KCNT1: variants seen among roughly 807,000 people sequenced by gnomAD.
The protein encoded by KCNT1 is potassium sodium-activated channel subfamily T member 1, also known as potassium channel subfamily T member 1.
In KCNT1, 78 loss-of-function variants were observed where a neutral mutation model predicts 147.8. That is an observed-to-expected ratio of 0.53 (90% CI 0.44 to 0.64). The LOEUF (loss-of-function observed/expected upper bound fraction) is 0.64, where lower values mean the gene tolerates loss of function less well. Ranked by LOEUF, KCNT1 falls within the 30% of genes least tolerant of loss-of-function variation. The probability of loss-of-function intolerance (pLI) is 0.00; values close to 1 mark genes in which losing one functional copy is unlikely to be tolerated. For synonymous variants in KCNT1, 867 were observed against 748.8 expected (o/e 1.16, Z -2.58); for missense variants, 1,419 against 1,750.3 (o/e 0.81, Z 3.38).
chr9:135,743,573 C>A (rs1369159023), intron 2 of KCNT1, among the ~76,000 whole-genome samples: 1 of 152,216 alleles, frequency 6.6e-6, no homozygotes, highest in Non-Finnish European at 1.5e-5. Flanking sequence ...CCTGGGGCCC[C>A]ATGGTGCAGA....
At chr9:135,721,187 G>A (rs1444872370) in intron 2 of KCNT1, among the ~76,000 whole-genome samples, 5 of 152,292 alleles carry the variant, frequency 3.3e-5, no homozygotes, top group South Asian at 2.1e-4. Context: ...CTGAGCTGCT[G>A]GGCCAGCCCC....
chr9:135,771,993 A>G (rs1832792031), intron 18 of KCNT1, among the ~76,000 whole-genome samples: 1 of 152,190 alleles, frequency 6.6e-6, no homozygotes, highest in South Asian at 2.1e-4. Flanking sequence ...ACAGTCTCCA[A>G]GACCCAGAGG....
chr9:135,758,191 C>G (rs1226416160), intron 9 of KCNT1, among the ~76,000 whole-genome samples: 1 of 146,734 alleles, frequency 6.8e-6, no homozygotes, highest in Non-Finnish European at 1.5e-5. Flanking sequence ...GTGCAGGCTG[C>G]CCCGTGGGCC....
At chr9:135,737,138 G>C (rs929064707) in intron 2 of KCNT1, 1 of 160,398 alleles carries the variant, frequency 6.2e-6, no homozygotes, top group African/African-American at 2.4e-5. Context: ...CTTTGGGGGA[G>C]ACAGGGCCGG....
intron 24 of KCNT1, among the ~76,000 whole-genome samples, chr9:135,779,873 G>A (rs72770395): frequency 0.084 from 12,793 of 152,336 alleles, 794 homozygotes; most frequent in South Asian, 0.16. Context: ...TAACGCACAC[G>A]GCTGCACCAT....
chr9:135,777,682 ACTC>A (rs1299375753), intron 21 of KCNT1, among the ~76,000 whole-genome samples, 172 bp downstream of exon 21: 2 of 149,334 alleles, frequency 1.3e-5, no homozygotes, highest in Middle Eastern at 3.2e-3. Context: ...CCTGCTCCCA[ACTC>A]CTCCTGCTCC....
chr9:135,784,507 CTCCCT>C, intron 25 of KCNT1, 23 bp from the exon 26 acceptor site: 2 of 519,716 alleles, frequency 3.8e-6, no homozygotes, highest in South Asian at 2.5e-5. Flanking sequence ...CCCTCCCTCC[CTCCCT>C]CCCTCCCTCC....
chr9:135,747,405 G>A (rs577570732), intron 2 of KCNT1, among the ~76,000 whole-genome samples: 31 of 152,094 alleles, frequency 2.0e-4, no homozygotes, highest in Middle Eastern at 3.4e-3. Context: ...CCTGGGTACC[G>A]CCGGCAGTGA....
At chr9:135,725,684 G>A (rs1057031333) in intron 2 of KCNT1, among the ~76,000 whole-genome samples, 4 of 152,236 alleles carry the variant, frequency 2.6e-5, no homozygotes, top group South Asian at 2.1e-4. Context: ...ACCAAAGCCG[G>A]GGGGGCCCCA....
At chr9:135,760,606 C>T (rs1211090340) in intron 11 of KCNT1, among the ~76,000 whole-genome samples, 1 of 152,202 alleles carries the variant, frequency 6.6e-6, no homozygotes, top group Non-Finnish European at 1.5e-5. Flanking sequence ...CCTAGGGAGC[C>T]TCTGCTGACC....
chr9:135,714,097 G>A lies in KCNT1; in HGVS notation c.111-480G>A, dbSNP rs1385330875. On this transcript the variant is annotated intron_variant, in intron 1 of 30. Transcript: ENST00000371757. This position sits in a 1 kb window ranked among gnomAD's most constrained non-coding sequence, Gnocchi z 6.2. The stretch of plus-strand genomic sequence containing the variant: ...AACAGCCTGAGGGTCTGAGACGGGG[G>A]TCTCTGGGGCTGGACCCTGAAGGAA... Among the ~76,000 whole-genome samples the A allele has an allele frequency of 6.6e-6, 1 of 151,998 alleles. No homozygotes were observed. Among genetic ancestry groups the A allele is most frequent in the African/African-American group, 2.4e-5 (1 of 41,402 alleles).
chr9:135,726,462 C>A (rs1228991390), intron 2 of KCNT1, among the ~76,000 whole-genome samples: 1 of 152,068 alleles, frequency 6.6e-6, no homozygotes, highest in Non-Finnish European at 1.5e-5. Flanking sequence ...GCCAGGGCCG[C>A]ATCTTTACCC....
At chr9:135,729,457 G>C (rs553444899) in intron 2 of KCNT1, among the ~76,000 whole-genome samples, 1 of 152,262 alleles carries the variant, frequency 6.6e-6, no homozygotes, top group South Asian at 2.1e-4. Flanking sequence ...CTCCAGATGC[G>C]GGCCCAGCCC....
At chr9:135,719,094 G>T (rs1412940579) in intron 2 of KCNT1, among the ~76,000 whole-genome samples, 1 of 152,226 alleles carries the variant, frequency 6.6e-6, no homozygotes, top group Non-Finnish European at 1.5e-5. Flanking sequence ...AGCCCCTTGA[G>T]CCATGCTGAC....
intron 13 of KCNT1, among the ~76,000 whole-genome samples, chr9:135,767,674 C>T (rs1223578157): frequency 2.0e-5 from 3 of 152,114 alleles, no homozygotes; most frequent in Admixed American, 1.3e-4. Flanking sequence ...GTGGGGTCTC[C>T]ACCGGGCCTG....
Position 135,786,315 on chromosome 9 carries a change from C to G in KCNT1, c.3296C>G (p.Pro1099Arg). The change falls in exon 29 of 31, where the codon CCC (proline) becomes CGC (arginine). Residue 1099 changes from proline (P) to arginine (R), a missense_variant. Transcript: ENST00000371757. Reference protein sequence around the residue: ...SQGRHTGGGDPAEHPLLRRKS... With the variant: ...SQGRHTGGGDRAEHPLLRRKS... Reference sequence around the variant, plus strand: ...GGCCGCCACACGGGCGGCGGTGACCCCGCAGAGCACCCACTGCTACGGCGC... The same window carrying G: ...GGCCGCCACACGGGCGGCGGTGACCGCGCAGAGCACCCACTGCTACGGCGC... 1 of 1,600,206 alleles carries G rather than the reference C, an allele frequency of 6.2e-7. No homozygotes were observed. The highest frequency in any genetic ancestry group is 2.3e-5 in the East Asian group (1 of 44,296).
At chr9:135,775,177 G>A (rs1304896567) in intron 19 of KCNT1, 133 bp from the exon 20 acceptor site, 2 of 591,472 alleles carry the variant, frequency 3.4e-6, no homozygotes, top group Non-Finnish European at 5.9e-6. Flanking sequence ...CCTTGGGTCA[G>A]CTGTGCGTGA....
intron 1 of KCNT1, among the ~76,000 whole-genome samples, chr9:135,708,109 C>T (rs1006893647): frequency 5.9e-5 from 9 of 152,192 alleles, no homozygotes; most frequent in Admixed American, 4.6e-4. Context: ...GACACTAAGC[C>T]CAGCACTCAG....
At chr9:135,781,489 T>TG (rs1463728597) in intron 24 of KCNT1, among the ~76,000 whole-genome samples, 1 of 152,190 alleles carries the variant, frequency 6.6e-6, no homozygotes, top group Non-Finnish European at 1.5e-5. Context: ...AGATCCCCCA[T>TG]GGGTCTCTCT....
Sources: gnomAD v4.1 joint callset for allele counts (sites outside exome capture counted in the v4.1 genomes callset) on GRCh38, gnomAD v4.1.1 for gene constraint, Gnocchi (gnomAD v3.1) non-coding constraint, MANE v1.5 for transcripts, NCBI Gene and HGNC (gene_info 2026-07-23, HGNC 2026-07-21) for gene names.